MIPOL1: variants seen among roughly 807,000 people sequenced by gnomAD.
MIPOL1 encodes the protein mirror-image polydactyly 1, also known as mirror-image polydactyly gene 1 protein.
Under a neutral mutation model 60.9 loss-of-function variants are expected in MIPOL1, and 57 were observed. That is an observed-to-expected ratio of 0.94 (90% CI 0.76 to 1.17). The LOEUF is 1.17. Among genes scored for constraint, MIPOL1 ranks in the 50% most tolerant of loss-of-function variants. The pLI is 0.00. For synonymous variants in MIPOL1, 179 were observed against 168.8 expected, an observed-to-expected ratio of 1.06 and a Z score of -0.47; for missense variants, 551 against 511.6, an observed-to-expected ratio of 1.08 and a Z score of -0.74.
At chr14:37,492,083 C>T (rs1196134790) in intron 11 of MIPOL1, among the ~76,000 whole-genome samples, 1 of 152,168 alleles carries the variant, frequency 6.6e-6, no homozygotes. Flanking sequence ...CTTGTCTAAT[C>T]CTTCTGCCTT....
chr14:37,374,101 T>G (rs1467126471), intron 10 of MIPOL1, among the ~76,000 whole-genome samples: 1 of 152,208 alleles, frequency 6.6e-6, no homozygotes, highest in Admixed American at 6.5e-5. Context: ...TGGTATCTCA[T>G]TGTGGTTTTG....
At chr14:37,524,911 T>C (rs2095438060) in intron 12 of MIPOL1, among the ~76,000 whole-genome samples, 1 of 152,010 alleles carries the variant, frequency 6.6e-6, no homozygotes, top group South Asian at 2.1e-4. Flanking sequence ...ATCATTAACA[T>C]GAAAGACTAC....
intron 11 of MIPOL1, among the ~76,000 whole-genome samples, chr14:37,473,480 A>G (rs527800293): frequency 9.2e-5 from 14 of 152,156 alleles, no homozygotes; most frequent in African/African-American, 3.1e-4. Context: ...TATCTTGTCT[A>G]GTTTCACTCC....
At chr14:37,361,654 G>C (rs1401516948) in intron 9 of MIPOL1, among the ~76,000 whole-genome samples, 3 of 119,256 alleles carry the variant, frequency 2.5e-5, no homozygotes, top group East Asian at 2.7e-4. Flanking sequence ...CTCGCAGTCT[G>C]AAGGGCAGTG....
intron 9 of MIPOL1, among the ~76,000 whole-genome samples, chr14:37,359,632 T>TGTCC (rs1449078433): frequency 6.6e-6 from 1 of 151,078 alleles, no homozygotes; most frequent in East Asian, 1.9e-4. Flanking sequence ...TTTGGCTCTC[T>TGTCC]GTTATTGGTG....
At chr14:37,489,733 C>T (rs2095017695) in intron 11 of MIPOL1, among the ~76,000 whole-genome samples, 1 of 152,140 alleles carries the variant, frequency 6.6e-6, no homozygotes, top group African/African-American at 2.4e-5. Context: ...CTGGAGTTTG[C>T]TGGAGGTCCA....
intron 11 of MIPOL1, among the ~76,000 whole-genome samples, chr14:37,425,486 T>TA (rs1426772254): frequency 2.0e-5 from 3 of 152,176 alleles, no homozygotes; most frequent in South Asian, 2.1e-4. Context: ...CACTGCTACT[T>TA]AAAAAAAATT....
chr14:37,264,396 C>T (rs1376403747), intron 3 of MIPOL1, among the ~76,000 whole-genome samples: 2 of 151,422 alleles, frequency 1.3e-5, no homozygotes, highest in Non-Finnish European at 2.9e-5. Context: ...GAGGCAGAGG[C>T]AGGAGGATTG....
chr14:37,304,131 C>T (rs988927471), intron 7 of MIPOL1, among the ~76,000 whole-genome samples: 10 of 151,648 alleles, frequency 6.6e-5, no homozygotes, highest in African/African-American at 9.7e-5. Flanking sequence ...ATCGAGTATA[C>T]GATAAAATTA....
chr14:37,298,998 C>T (rs1442307353), intron 7 of MIPOL1, among the ~76,000 whole-genome samples: 1 of 151,534 alleles, frequency 6.6e-6, no homozygotes, highest in Non-Finnish European at 1.5e-5. Context: ...CACATGCACA[C>T]GTATGTTTAT....
chr14:37,212,826 G>A (rs539032234), intron 1 of MIPOL1, among the ~76,000 whole-genome samples: 1 of 152,288 alleles, frequency 6.6e-6, no homozygotes, highest in South Asian at 2.1e-4. Context: ...TGGCCACAGG[G>A]ATACTTATGT....
At chr14:37,217,922 G>A (rs1968028449) in intron 1 of MIPOL1, among the ~76,000 whole-genome samples, 1 of 152,082 alleles carries the variant, frequency 6.6e-6, no homozygotes, top group African/African-American at 2.4e-5. Context: ...TATGCTCTTA[G>A]TACTATGGAT....
At chr14:37,421,368 G>T in intron 10 of MIPOL1, among the ~76,000 whole-genome samples, 1 of 152,196 alleles carries the variant, frequency 6.6e-6, no homozygotes, top group South Asian at 2.1e-4. Context: ...TTAAATGCAT[G>T]TCTGAAGTCT....
intron 3 of MIPOL1, among the ~76,000 whole-genome samples, chr14:37,249,899 T>C (rs1289745015): frequency 6.6e-6 from 1 of 152,190 alleles, no homozygotes; most frequent in Non-Finnish European, 1.5e-5. Flanking sequence ...GTAAGAGTTA[T>C]ATTAAAATTA....
intron 12 of MIPOL1, 43 bp downstream of exon 12, chr14:37,500,181 C>T (rs760345098): frequency 8.0e-7 from 1 of 1,243,142 alleles, no homozygotes; most frequent in Non-Finnish European, 1.1e-6. Flanking sequence ...ACACATGAAA[C>T]AAAACAAAAC....
chr14:37,350,057 C>G (rs1265640965), intron 9 of MIPOL1, among the ~76,000 whole-genome samples: 2 of 151,976 alleles, frequency 1.3e-5, no homozygotes, highest in Admixed American at 6.6e-5. Flanking sequence ...GTATTATTTC[C>G]TGTCTCTTTC....
chr14:37,278,854 A>G (rs1028515412), intron 6 of MIPOL1: 2 of 151,826 alleles, frequency 1.3e-5, no homozygotes, highest in African/African-American at 2.4e-5. Context: ...CCTTGACTCA[A>G]TAAACTCATA....
At chr14:37,492,130 C>A (rs1388218017) in intron 11 of MIPOL1, among the ~76,000 whole-genome samples, 1 of 152,142 alleles carries the variant, frequency 6.6e-6, no homozygotes. Context: ...GCATGAGCCA[C>A]CATGCTCAGC....
At chr14:37,477,295 G>T (rs1288922072) in intron 11 of MIPOL1, among the ~76,000 whole-genome samples, 1 of 151,954 alleles carries the variant, frequency 6.6e-6, no homozygotes, top group East Asian at 1.9e-4. Context: ...AGATCGTAGA[G>T]AATTGACATC....
Sources: allele counts gnomAD v4.1 joint callset (sites outside exome capture counted in the v4.1 genomes callset), GRCh38; gene constraint gnomAD v4.1.1; transcripts MANE v1.5; gene names NCBI Gene and HGNC (gene_info 2026-07-23, HGNC 2026-07-21).